Variants in GALNT17 observed in about 807,000 individuals in gnomAD.
GALNT17 encodes UDP-GalNAc:polypeptide N-acetylgalactosaminyltransferase-like 3.
In GALNT17, 29 loss-of-function variants were observed where a neutral mutation model predicts 63.7. The observed-to-expected ratio is 0.46, with a 90% confidence interval of 0.34 to 0.62. The LOEUF is 0.62. Ranked by LOEUF, GALNT17 falls within the 20% of genes least tolerant of loss-of-function variation. GALNT17 has a pLI of 0.01. For missense variants in GALNT17, 603 were observed against 799.6 expected, an observed-to-expected ratio of 0.75 and a Z score of 2.97; for synonymous variants, 305 against 318.3, an observed-to-expected ratio of 0.96 and a Z score of 0.45.
At chr7:71,378,662 C>A (rs922360187) in intron 2 of GALNT17, among the ~76,000 whole-genome samples, 1 of 151,910 alleles carries the variant, frequency 6.6e-6, no homozygotes, top group African/African-American at 2.4e-5. Flanking sequence ...ATTTATCTGC[C>A]AAGCATTCTG....
chr7:71,142,201 A>G (rs190023378), intron 1 of GALNT17, among the ~76,000 whole-genome samples: 75 of 152,254 alleles, frequency 4.9e-4, no homozygotes, highest in Non-Finnish European at 8.5e-4. Flanking sequence ...GGATGCATGG[A>G]CAGCTAGCAA....
intron 1 of GALNT17, among the ~76,000 whole-genome samples, chr7:71,319,094 T>TTATCTATC (rs1583857654): frequency 6.1e-5 from 3 of 49,240 alleles, no homozygotes; most frequent in East Asian, 1.0e-3. Flanking sequence ...CTATTTTTGT[T>TTATCTATC]TATCTTTCTT....
At chr7:71,439,766 C>T (rs1461770507) in intron 5 of GALNT17, among the ~76,000 whole-genome samples, 1 of 152,016 alleles carries the variant, frequency 6.6e-6, no homozygotes, top group Non-Finnish European at 1.5e-5. Flanking sequence ...AGCAGCCATC[C>T]CATTAATTTT....
intron 5 of GALNT17, among the ~76,000 whole-genome samples, chr7:71,566,411 T>C (rs1789347811): frequency 6.6e-6 from 1 of 152,116 alleles, no homozygotes; most frequent in Admixed American, 6.5e-5. Flanking sequence ...TGTTGGGTGT[T>C]TTCAGACTCC....
At chr7:71,466,917 T>C (rs1015025199) in intron 5 of GALNT17, among the ~76,000 whole-genome samples, 1 of 152,120 alleles carries the variant, frequency 6.6e-6, no homozygotes, top group Non-Finnish European at 1.5e-5. Flanking sequence ...CATAAAACCA[T>C]GTGCCCAAGG....
intron 1 of GALNT17, among the ~76,000 whole-genome samples, chr7:71,167,199 T>C (rs992050453): frequency 2.0e-5 from 3 of 152,094 alleles, no homozygotes; most frequent in African/African-American, 7.2e-5. Flanking sequence ...TTCTTACTTT[T>C]GAAGAACTGT....
intron 5 of GALNT17, among the ~76,000 whole-genome samples, chr7:71,435,675 A>G (rs1316341490): frequency 6.6e-6 from 1 of 151,952 alleles, no homozygotes; most frequent in Admixed American, 6.6e-5. Context: ...CGACCCAACC[A>G]ATCAACACTC....
chr7:71,500,495 C>T (rs1461005472), intron 5 of GALNT17, among the ~76,000 whole-genome samples: 1 of 152,096 alleles, frequency 6.6e-6, no homozygotes, highest in Non-Finnish European at 1.5e-5. Flanking sequence ...CAGGTCTCAA[C>T]TTCCTCCTCT....
chr7:71,631,996 C>T (rs774611981), intron 6 of GALNT17, among the ~76,000 whole-genome samples: 1 of 151,938 alleles, frequency 6.6e-6, no homozygotes, highest in Non-Finnish European at 1.5e-5. Context: ...AATTCTCTGG[C>T]CTTGTTCACC....
chr7:71,181,629 A>G (rs924042328), intron 1 of GALNT17, among the ~76,000 whole-genome samples: 3 of 152,038 alleles, frequency 2.0e-5, no homozygotes, highest in Admixed American at 2.0e-4. Flanking sequence ...GCACTTTGGG[A>G]GGCCAAGGAA....
chr7:71,170,614 G>A (rs906945087), intron 1 of GALNT17, among the ~76,000 whole-genome samples: 1 of 152,132 alleles, frequency 6.6e-6, no homozygotes, highest in African/African-American at 2.4e-5. Context: ...GGGATTACAG[G>A]CATGAGTCAC....
At chr7:71,345,771 G>A (rs980696400) in intron 2 of GALNT17, among the ~76,000 whole-genome samples, 1 of 152,144 alleles carries the variant, frequency 6.6e-6, no homozygotes, top group Non-Finnish European at 1.5e-5. Flanking sequence ...CTGTGAAAAG[G>A]ACACATCTGA....
intron 6 of GALNT17, among the ~76,000 whole-genome samples, chr7:71,644,064 T>C (rs996929690): frequency 3.3e-5 from 5 of 152,158 alleles, no homozygotes; most frequent in African/African-American, 1.2e-4. Context: ...GCCTCTTGTT[T>C]CTGGATACCT....
At chr7:71,476,772 A>G (rs1471836035) in intron 5 of GALNT17, among the ~76,000 whole-genome samples, 1 of 152,206 alleles carries the variant, frequency 6.6e-6, no homozygotes, top group East Asian at 1.9e-4. Context: ...ACAAAGAATT[A>G]TCTGGCCCCA....
intron 5 of GALNT17, among the ~76,000 whole-genome samples, chr7:71,452,618 T>TA (rs1332494322): frequency 2.0e-5 from 3 of 152,216 alleles, no homozygotes; most frequent in East Asian, 1.9e-4. Flanking sequence ...GGCTGTTGGA[T>TA]AAAAAAGTAT....
chr7:71,686,614 T>A (rs1289104434), intron 9 of GALNT17, among the ~76,000 whole-genome samples: 1 of 151,704 alleles, frequency 6.6e-6, no homozygotes, highest in African/African-American at 2.4e-5. Flanking sequence ...GGTCCCAAAC[T>A]CCTGGGCTCA....
At chr7:71,679,184 G>C (rs1791198455) in intron 9 of GALNT17, among the ~76,000 whole-genome samples, 1 of 151,994 alleles carries the variant, frequency 6.6e-6, no homozygotes, top group Non-Finnish European at 1.5e-5. Context: ...GCTGAGGCGG[G>C]AGGATTGCTT....
intron 6 of GALNT17, among the ~76,000 whole-genome samples, chr7:71,608,357 G>A (rs1790076512): frequency 6.6e-6 from 1 of 152,254 alleles, no homozygotes; most frequent in African/African-American, 2.4e-5. Flanking sequence ...ATCTACCAGG[G>A]GTTGGGGGAG....
chr7:71,598,415 G>T (rs896259764), intron 6 of GALNT17, among the ~76,000 whole-genome samples: 5 of 152,180 alleles, frequency 3.3e-5, no homozygotes, highest in African/African-American at 1.2e-4. Flanking sequence ...CAGAGATATA[G>T]GCAATGCACC....
Sources: allele counts gnomAD v4.1 joint callset (sites outside exome capture counted in the v4.1 genomes callset), GRCh38; gene constraint gnomAD v4.1.1; transcripts MANE v1.5; gene names NCBI Gene and HGNC (gene_info 2026-07-23, HGNC 2026-07-21).